KLC1: variants seen among roughly 807,000 people sequenced by gnomAD.
The protein encoded by KLC1 is kinesin light chain 1.
KLC1 carries 30 observed loss-of-function variants against 84.2 expected under a neutral mutation model. The ratio of observed to expected loss-of-function variants is 0.36; its 90% CI spans 0.27 to 0.48. KLC1 has a LOEUF of 0.48. KLC1 is among the 20% of genes least tolerant of loss of function. The pLI is 0.99. For synonymous variants in KLC1, 289 were observed against 293.3 expected (o/e 0.99, Z 0.15); for missense variants, 499 against 805.4 (o/e 0.62, Z 4.60).
chr14:103,639,394 G>A (rs999605817), intron 1 of KLC1, among the ~76,000 whole-genome samples: 1 of 152,076 alleles, frequency 6.6e-6, no homozygotes, highest in South Asian at 2.1e-4. Flanking sequence ...GCCTCCCAAA[G>A]TGTTGGGATT....
intron 15 of KLC1, chr14:103,697,073 G>A (rs1005965555): frequency 1.2e-5 from 12 of 985,256 alleles, no homozygotes; most frequent in African/African-American, 3.5e-5. Context: ...TTTTCTAATC[G>A]CTGGCATGTC....
At chr14:103,680,494 C>T (rs1260401485) in intron 13 of KLC1, among the ~76,000 whole-genome samples, 1 of 152,066 alleles carries the variant, frequency 6.6e-6, no homozygotes, top group Non-Finnish European at 1.5e-5. Flanking sequence ...TTTTCTATAG[C>T]TATAGCAATT....
rs111589287 is a variant in KLC1, at chr14:103,693,724, T to C, written c.1848+1299T>C. On this transcript the variant is annotated intron_variant, in intron 15 of 16. Coordinates refer to ENST00000334553, the MANE Select transcript of KLC1 (RefSeq NM_001394837.1). This position sits in a 1 kb window ranked among gnomAD's most constrained non-coding sequence, Gnocchi z 5.1. ...GCGCCAGCCGCACTCCTTGGCTTCC[T>C]TTCCTAGATAGTGACGTCCACCAAC... is the stretch of plus-strand genomic sequence containing the variant. The C allele has an allele frequency of 0.023, 34,403 of 1,479,006 alleles. 506 individuals carry two copies. Among genetic ancestry groups the C allele is most frequent in the Non-Finnish European group, 0.029 (32,088 of 1,118,636 alleles). 91.6% of individuals were successfully genotyped at this position (1,479,006 alleles called of 1,614,324 possible).
chr14:103,693,071 G>A lies in KLC1; in HGVS notation c.1848+646G>A, dbSNP rs528760496. 6.6e-6 allele frequency among the ~76,000 whole-genome samples: 1 copy of A among 152,358 alleles called. No homozygotes were observed. The highest frequency in any genetic ancestry group is 2.1e-4 in the South Asian group (1 of 4,832). On this transcript the variant is annotated intron_variant, in intron 15 of 16. Coordinates refer to ENST00000334553, the MANE Select transcript of KLC1 (RefSeq NM_001394837.1). The surrounding 1 kb of genome is among the most constrained non-coding windows in gnomAD (Gnocchi z 5.1). ...AGAACCTGTTTCTCAGGTGCCTGGG[G>A]CCCACCCGGCAGCTCGAGCTGTTGG... is the stretch of plus-strand genomic sequence containing the variant.
At position 103,657,611 on chromosome 14, in the gene KLC1, G is replaced by A. The variant is rs1434522080; in HGVS notation, c.327G>A (p.Gln109=). The A allele has an allele frequency of 6.2e-7, 1 of 1,614,186 alleles. No individual in the cohort carries two copies. The highest frequency in any genetic ancestry group is 1.7e-5 in the Admixed American group (1 of 60,012). ...VESEKQKLRA[Q]VRRLCQENQW... is the part of the protein sequence containing the mutation. The stretch of plus-strand genomic sequence containing the variant: ...CCGAGAAGCAGAAACTGCGTGCGCA[G>A]GTTCGTCGTCTGTGCCAGGAGAATC... The change falls in exon 3 of 17, where the codon CAG becomes CAA. Residue 109 remains glutamine, a synonymous_variant. Transcript: ENST00000334553.
chr14:103,665,846 A>G (rs2079737838), intron 5 of KLC1, among the ~76,000 whole-genome samples: 1 of 152,206 alleles, frequency 6.6e-6, no homozygotes, highest in Admixed American at 6.5e-5. Flanking sequence ...GTGTCTGCCC[A>G]TGCTTCTGCC....
chr14:103,693,639 C>T lies in KLC1; in HGVS notation c.1848+1214C>T. On this transcript the variant is annotated intron_variant, in intron 15 of 16. Transcript: ENST00000334553. This position sits in a 1 kb window ranked among gnomAD's most constrained non-coding sequence, Gnocchi z 5.1. ...ACTGAGAGCCAGCAGGGCTAGGTAA[C>T]CTGTCTTGGGAGTGTGAGACCGCCC... 1.3e-6 allele frequency: 2 copies of T among 1,535,502 alleles called. No individual in the cohort carries two copies. The highest frequency in any genetic ancestry group is 8.7e-7 in the Non-Finnish European group (1 of 1,146,806).
At chr14:103,687,318 G>A in intron 14 of KLC1, 107 bp downstream of exon 14, 1 of 1,144,008 alleles carries the variant, frequency 8.7e-7, no homozygotes, top group South Asian at 1.8e-5. Context: ...AGACACTCCA[G>A]TTGGTTCCCG....
chr14:103,633,178 C>A (rs766811687), intron 1 of KLC1, among the ~76,000 whole-genome samples: 5 of 152,046 alleles, frequency 3.3e-5, no homozygotes, highest in Non-Finnish European at 7.4e-5. Flanking sequence ...CTGCCTCAGC[C>A]TCCCGAGTAG....
intron 6 of KLC1, 102 bp downstream of exon 6, chr14:103,669,700 G>A: frequency 1.2e-6 from 1 of 822,668 alleles, no homozygotes; most frequent in South Asian, 1.5e-5. Flanking sequence ...GAAAGTTTAA[G>A]TGCTGCCTTT....
chr14:103,681,709 G>A (rs1165098199), intron 13 of KLC1, among the ~76,000 whole-genome samples: 1 of 151,978 alleles, frequency 6.6e-6, no homozygotes. Context: ...TGCCCGCCTC[G>A]GCCTCCCAAA....
At chr14:103,698,425 C>A in intron 15 of KLC1, 1 of 328,812 alleles carries the variant, frequency 3.0e-6, no homozygotes, top group South Asian at 2.6e-5. Context: ...AGGGGGCAGG[C>A]CTCAGACGCA....
At chr14:103,686,121 CTG>C in intron 13 of KLC1, 1 of 990,906 alleles carries the variant, frequency 1.0e-6, no homozygotes, top group Non-Finnish European at 1.2e-6. Context: ...GCTGTGTAGT[CTG>C]TGTGTGAAAT....
Position 103,694,166 on chromosome 14 carries a change from G to A in KLC1, c.1848+1741G>A. ...CTCTCTTTCCAAGGTCCCCATGCCT[G>A]TGGCCCTGGGGCCCCATGCCCCCTT... is the stretch of plus-strand genomic sequence containing the variant. On this transcript the variant is annotated intron_variant, in intron 15 of 16. Coordinates refer to ENST00000334553, the MANE Select transcript of KLC1 (RefSeq NM_001394837.1). The surrounding 1 kb of genome is among the most constrained non-coding windows in gnomAD (Gnocchi z 4.5). 4 of 985,616 alleles carry A rather than the reference G, an allele frequency of 4.1e-6. No individual in the cohort carries two copies. The highest frequency in any genetic ancestry group is 4.8e-6 in the Non-Finnish European group (4 of 830,162). The allele number at this position is 985,616 out of a possible 1,614,324, so 61.1% of individuals were successfully genotyped here.
intron 14 of KLC1, 77 bp from the exon 15 acceptor site, chr14:103,692,282 G>T: frequency 7.3e-7 from 1 of 1,360,904 alleles, no homozygotes; most frequent in Non-Finnish European, 1.0e-6. Context: ...GTTGGAGGGG[G>T]CTTTGCTTGT....
At chr14:103,646,650 C>G (rs988483613) in intron 1 of KLC1, among the ~76,000 whole-genome samples, 1 of 151,164 alleles carries the variant, frequency 6.6e-6, no homozygotes, top group Non-Finnish European at 1.5e-5. Context: ...TCTTTTTTTT[C>G]TTTTTGAAAA....
At chr14:103,671,656 C>T (rs1255922554) in intron 7 of KLC1, among the ~76,000 whole-genome samples, 2 of 152,324 alleles carry the variant, frequency 1.3e-5, no homozygotes, top group East Asian at 3.9e-4. Context: ...CAGGCATGAG[C>T]CACTGCACCC....
At chr14:103,635,045 A>C (rs576293963) in intron 1 of KLC1, among the ~76,000 whole-genome samples, 2 of 152,334 alleles carry the variant, frequency 1.3e-5, no homozygotes, top group East Asian at 3.9e-4. Flanking sequence ...AGTTTTAACT[A>C]ATTTTTGGAG....
rs193199843 is a variant in KLC1, at chr14:103,636,807, C to G, written c.-2+7313C>G. Among the ~76,000 whole-genome samples the G allele has an allele frequency of 5.6e-3, 855 of 152,118 alleles. 13 individuals are homozygous for G. Among genetic ancestry groups the G allele is most frequent in the African/African-American group, 0.02 (822 of 41,502 alleles). On this transcript the variant is annotated intron_variant, in intron 1 of 16. Coordinates refer to ENST00000334553, the MANE Select transcript of KLC1 (RefSeq NM_001394837.1). ...GCGCGATCTCGGCTCACTGCAAGCTCTGCCTCCCGGGTTCACGCCATTCCC... is the reference window on the plus strand; with the variant it reads ...GCGCGATCTCGGCTCACTGCAAGCTGTGCCTCCCGGGTTCACGCCATTCCC...
Sources: allele counts gnomAD v4.1 joint callset (sites outside exome capture counted in the v4.1 genomes callset), GRCh38; gene constraint gnomAD v4.1.1; non-coding constraint Gnocchi (gnomAD v3.1); transcripts MANE v1.5; gene names NCBI Gene and HGNC (gene_info 2026-07-23, HGNC 2026-07-21).